UNC13A: variants seen among roughly 807,000 people sequenced by gnomAD.
UNC13A encodes the protein unc-13 homolog A, also known as protein unc-13 homolog A.
Under a neutral mutation model 219.7 loss-of-function variants are expected in UNC13A, and 61 were observed. That is an observed-to-expected ratio of 0.28 (90% confidence interval 0.23 to 0.34). UNC13A has a LOEUF of 0.34. Ranked by LOEUF, UNC13A falls within the 10% of genes least tolerant of loss-of-function variation. UNC13A has a pLI of 1.00. For missense variants in UNC13A, 1,476 were observed against 2,270.3 expected (o/e 0.65, Z 7.11); for synonymous variants, 920 against 884.6 (o/e 1.04, Z -0.71).
chr19:17,613,711 T>TC (rs1384892365), intron 41 of UNC13A: 2 of 149,404 alleles, frequency 1.3e-5, no homozygotes, highest in East Asian at 1.9e-4. Flanking sequence ...TCTTTTTTTT[T>TC]TTTTTTTTTT....
At chr19:17,656,907 G>T (rs369040471) in intron 9 of UNC13A, among the ~76,000 whole-genome samples, 1 of 151,366 alleles carries the variant, frequency 6.6e-6, no homozygotes, top group African/African-American at 2.4e-5. Flanking sequence ...TGCGGTCTGT[G>T]GGGAACAGGC....
chr19:17,666,755 C>G, intron 6 of UNC13A, 51 bp from the exon 7 acceptor site: 1 of 1,415,056 alleles, frequency 7.1e-7, no homozygotes, highest in South Asian at 1.6e-5. Context: ...GGCCAAAGGC[C>G]AGGGGACCAG....
intron 1 of UNC13A, among the ~76,000 whole-genome samples, chr19:17,680,879 C>CTTTTTTT (rs2079996579): frequency 6.2e-5 from 5 of 80,188 alleles, no homozygotes; most frequent in Non-Finnish European, 1.0e-4. Context: ...CTTTTTTTTT[C>CTTTTTTT]TTTTCTTTTC....
At chr19:17,629,217 G>A (rs1263840510) in intron 31 of UNC13A, 23 bp downstream of exon 31, 17 of 1,588,748 alleles carry the variant, frequency 1.1e-5, no homozygotes, top group Non-Finnish European at 1.5e-5. Context: ...GAGGGAGATA[G>A]GTCAGGGGCC....
chr19:17,634,473 G>C (rs2145017975), intron 26 of UNC13A, among the ~76,000 whole-genome samples: 1 of 152,202 alleles, frequency 6.6e-6, no homozygotes, highest in South Asian at 2.1e-4. Context: ...CAAGTAGCTG[G>C]GATTACAGGC....
At position 17,647,254 on chromosome 19, in the gene UNC13A, C is replaced by T. The variant is rs756068619; in HGVS notation, c.2044+11G>A. The T allele has an allele frequency of 3.2e-6, 5 of 1,556,708 alleles. No individual in the cohort carries two copies. The highest frequency in any genetic ancestry group is 2.4e-5 in the South Asian group (2 of 84,990). On this transcript the variant is annotated intron_variant, in intron 17 of 43. Coordinates refer to ENST00000519716, the MANE Select transcript of UNC13A (RefSeq NM_001080421.3). ...GAAGGAGGGGCCCTATGGCGGCCCA[C>T]GCCCCCTCACCGGTGATGCTGATCT...
intron 21 of UNC13A, among the ~76,000 whole-genome samples, chr19:17,640,864 CT>C (rs892681471): frequency 7.2e-6 from 1 of 138,862 alleles, no homozygotes; most frequent in Non-Finnish European, 1.6e-5. Flanking sequence ...AATTCTGCTT[CT>C]TTTTTTCTTT....
At chr19:17,656,560 C>T (rs559946635) in intron 9 of UNC13A, among the ~76,000 whole-genome samples, 162 bp from the exon 10 acceptor site, 55 of 152,248 alleles carry the variant, frequency 3.6e-4, no homozygotes, top group African/African-American at 1.3e-3. Flanking sequence ...AGACAAAAAT[C>T]CCCGCTTTTG....
intron 41 of UNC13A, among the ~76,000 whole-genome samples, chr19:17,615,327 A>G (rs1010812931): frequency 1.3e-5 from 2 of 152,062 alleles, no homozygotes; most frequent in Non-Finnish European, 2.9e-5. Context: ...GGCTGCAGTG[A>G]CCTGAGATTT....
In UNC13A at chr19:17,606,365, A is replaced by C; in HGVS notation, c.4812-11T>G. On this transcript the variant is annotated splice_polypyrimidine_tract_variant and intron_variant, in intron 43 of 43. Coordinates refer to ENST00000519716, the MANE Select transcript of UNC13A (RefSeq NM_001080421.3). ...TCGGCGCTCAGCGTGCTGCGTGGGG[A>C]GGGGCGGAACGTGAGACAGGCCACA... The C allele has an allele frequency of 6.5e-7, 1 of 1,540,666 alleles. No homozygotes were observed. The highest frequency in any genetic ancestry group is 8.7e-7 in the Non-Finnish European group (1 of 1,146,332).
chr19:17,662,636 T>C (rs2079570458), intron 8 of UNC13A, among the ~76,000 whole-genome samples: 1 of 151,966 alleles, frequency 6.6e-6, no homozygotes, highest in African/African-American at 2.4e-5. Context: ...GACATTTAAT[T>C]AGGGCCAGGT....
chr19:17,642,848 A>G lies in UNC13A; in HGVS notation c.2469T>C (p.His823=), dbSNP rs1390614638. 3.7e-6 allele frequency: 6 copies of G among 1,607,368 alleles called. No individual in the cohort carries two copies. Among genetic ancestry groups the G allele is most frequent in the Non-Finnish European group, 4.2e-6 (5 of 1,176,860 alleles). Reference sequence around the variant, plus strand: ...GGGGCCGAGCAATGACCCTCACCTCATGCAGACAGGTGTACTGGACATGGT... The same window carrying G: ...GGGGCCGAGCAATGACCCTCACCTCGTGCAGACAGGTGTACTGGACATGGT... ...APYHVQYTCL[H]ENLFHFVTDV... The change falls in exon 20 of 44, where the codon CAT becomes CAC. Residue 823 remains histidine (H), a synonymous_variant. Coordinates refer to ENST00000519716, the MANE Select transcript of UNC13A (RefSeq NM_001080421.3).
At chr19:17,614,054 G>T in intron 41 of UNC13A, 1 of 149,272 alleles carries the variant, frequency 6.7e-6, no homozygotes. Context: ...TCACCAGGCT[G>T]GAGTGTAATG....
At chr19:17,632,125 G>A (rs759223575) in intron 28 of UNC13A, among the ~76,000 whole-genome samples, 7 of 152,266 alleles carry the variant, frequency 4.6e-5, no homozygotes, top group South Asian at 2.1e-4. Context: ...TGGCCAGGCC[G>A]GTCTCAAACT....
intron 38 of UNC13A, 132 bp downstream of exon 38, chr19:17,620,561 G>C (rs2076717990): frequency 2.6e-6 from 2 of 783,732 alleles, no homozygotes; most frequent in Non-Finnish European, 4.0e-6. Context: ...ACAGACAAAG[G>C]AAGAAGAGAC....
intron 9 of UNC13A, among the ~76,000 whole-genome samples, chr19:17,656,890 T>C (rs1599386767): frequency 6.6e-6 from 1 of 150,472 alleles, no homozygotes; most frequent in South Asian, 2.1e-4. Context: ...CCCACTTTTG[T>C]GGCATTTGCG....
At position 17,649,042 on chromosome 19, in the gene UNC13A, G is replaced by A; in HGVS notation, c.1525-59C>T. 6.6e-7 allele frequency: 1 copy of A among 1,516,574 alleles called. No homozygotes were observed. Among genetic ancestry groups the A allele is most frequent in the South Asian group, 1.2e-5 (1 of 81,400 alleles). 93.9% of individuals were successfully genotyped at this position (1,516,574 alleles called of 1,614,324 possible). A position where few individuals can be genotyped will look rare whatever the true frequency, so the allele number is the denominator to read the frequency against. ...TTGACATCCATGAGATCACCACCAG[G>A]AGAGTTCACAGCCACGGATGGGGCC... On this transcript the variant is annotated intron_variant, in intron 14 of 43. Coordinates refer to ENST00000519716, the MANE Select transcript of UNC13A (RefSeq NM_001080421.3). The surrounding 1 kb of genome is among the most constrained non-coding windows in gnomAD (Gnocchi z 4.4).
Position 17,649,678 on chromosome 19 carries a change from AG to A in UNC13A, c.1440-92del, listed in dbSNP as rs1293537180. 1 of 1,458,822 alleles carries A rather than the reference AG, an allele frequency of 6.9e-7. No individual in the cohort carries two copies. Among genetic ancestry groups the A allele is most frequent in the East Asian group, 2.3e-5 (1 of 43,876 alleles). 90.4% of individuals were successfully genotyped at this position (1,458,822 alleles called of 1,614,324 possible). A position where few individuals can be genotyped will look rare whatever the true frequency, so the allele number is the denominator to read the frequency against. ...AACATTCAACCTCCCCCAGGTGTTAAGGGGTTGAATTGGGTCCCTCAAAAAA... is the reference window on the plus strand; with the variant it reads ...AACATTCAACCTCCCCCAGGTGTTAAGGGTTGAATTGGGTCCCTCAAAAAA... On this transcript the variant is annotated intron_variant, in intron 12 of 43. Coordinates refer to ENST00000519716, the MANE Select transcript of UNC13A (RefSeq NM_001080421.3). This position sits in a 1 kb window ranked among gnomAD's most constrained non-coding sequence, Gnocchi z 4.4.
intron 4 of UNC13A, 22 bp from the exon 5 acceptor site, chr19:17,669,698 G>C (rs751171189): frequency 6.3e-7 from 1 of 1,595,132 alleles, no homozygotes; most frequent in Admixed American, 1.8e-5. Flanking sequence ...GGGAGGAGGT[G>C]TGTGGGTCAG....
Sources: allele counts gnomAD v4.1 joint callset (sites outside exome capture counted in the v4.1 genomes callset), GRCh38; gene constraint gnomAD v4.1.1; non-coding constraint Gnocchi (gnomAD v3.1); transcripts MANE v1.5; gene names NCBI Gene and HGNC (gene_info 2026-07-23, HGNC 2026-07-21).